UBE2O: variants seen among roughly 807,000 people sequenced by gnomAD.
UBE2O encodes (E3-independent) E2 ubiquitin-conjugating enzyme.
In UBE2O, 15 loss-of-function variants were observed where a neutral mutation model predicts 125.8. The observed-to-expected ratio is 0.12, with a 90% CI of 0.08 to 0.18. The LOEUF is 0.18. UBE2O is among the 10% of genes least tolerant of loss of function. UBE2O has a pLI of 1.00. For missense variants in UBE2O, 1,280 were observed against 1,723.6 expected, an observed-to-expected ratio of 0.74 and a Z score of 4.56; for synonymous variants, 708 against 703.2, an observed-to-expected ratio of 1.01 and a Z score of -0.11.
chr17:76,397,559 T>C (rs893178385), intron 13 of UBE2O, among the ~76,000 whole-genome samples: 3 of 152,214 alleles, frequency 2.0e-5, no homozygotes, highest in Non-Finnish European at 4.4e-5. Context: ...TCCTGGAGGT[T>C]TGTGAAAGTC....
Position 76,398,740 on chromosome 17 carries a change from G to T in UBE2O, c.1783+97C>A. ...CAGTCCCCTTCTGGACCTCATTTTA[G>T]CTCTGACCCCAGATCCACTGCCCAT... On this transcript the variant is annotated intron_variant, in intron 10 of 17. Transcript: ENST00000319380. The surrounding 1 kb of genome is among the most constrained non-coding windows in gnomAD (Gnocchi z 5.4). 3 of 1,527,412 alleles carry T rather than the reference G, an allele frequency of 2.0e-6. No homozygotes were observed. Among genetic ancestry groups the T allele is most frequent in the Non-Finnish European group, 2.7e-6 (3 of 1,123,232 alleles). The allele number at this position is 1,527,412 out of a possible 1,614,324, so 94.6% of individuals were successfully genotyped here.
intron 1 of UBE2O, among the ~76,000 whole-genome samples, chr17:76,406,285 C>T (rs2072416845): frequency 6.6e-6 from 1 of 152,218 alleles, no homozygotes; most frequent in Admixed American, 6.5e-5. Flanking sequence ...GTGATGCTCC[C>T]ACCAGGCCAG....
chr17:76,399,126 T>C lies in UBE2O; in HGVS notation c.1629-135A>G. On this transcript the variant is annotated intron_variant, in intron 9 of 17. Transcript: ENST00000319380. The surrounding 1 kb of genome is among the most constrained non-coding windows in gnomAD (Gnocchi z 6.9). ...CTGAATCCCAGGTTGGCAGGATGAG[T>C]CTCTGGTGCACAGGAAGCTCACCCA... 8.3e-7 allele frequency: 1 copy of C among 1,200,252 alleles called. No homozygotes were observed. The highest frequency in any genetic ancestry group is 1.1e-6 in the Non-Finnish European group (1 of 873,554). The allele number at this position is 1,200,252 out of a possible 1,614,324, so 74.4% of individuals were successfully genotyped here.
chr17:76,444,087 G>C (rs914063525), intron 1 of UBE2O, among the ~76,000 whole-genome samples: 2 of 152,070 alleles, frequency 1.3e-5, no homozygotes, highest in East Asian at 3.9e-4. Context: ...CGGACGTGGT[G>C]GCGGGAGCCT....
chr17:76,408,510 C>T (rs532661123), intron 1 of UBE2O, among the ~76,000 whole-genome samples: 1 of 152,334 alleles, frequency 6.6e-6, no homozygotes, highest in Non-Finnish European at 1.5e-5. Context: ...AAATAAAAAG[C>T]TCATCTCTCC....
At chr17:76,412,451 A>G (rs2143763186) in intron 1 of UBE2O, among the ~76,000 whole-genome samples, 1 of 152,232 alleles carries the variant, frequency 6.6e-6, no homozygotes, top group Non-Finnish European at 1.5e-5. Context: ...GTGTATAGAA[A>G]AAGAGTGAAC....
At chr17:76,406,681 G>A (rs2072424416) in intron 1 of UBE2O, among the ~76,000 whole-genome samples, 1 of 146,242 alleles carries the variant, frequency 6.8e-6, no homozygotes, top group South Asian at 2.2e-4. Flanking sequence ...GGGAACTCAT[G>A]AGCCCAAGTT....
At chr17:76,408,137 C>T (rs935062316) in intron 1 of UBE2O, among the ~76,000 whole-genome samples, 3 of 152,208 alleles carry the variant, frequency 2.0e-5, no homozygotes, top group African/African-American at 4.8e-5. Context: ...CTGTGAGCCA[C>T]TCCACTGAAC....
chr17:76,420,689 T>C lies in UBE2O; in HGVS notation c.418-15117A>G, dbSNP rs548528703. Among the ~76,000 whole-genome samples, 7 of 152,280 alleles carry C rather than the reference T, an allele frequency of 4.6e-5. No homozygotes were observed. The South Asian group carries it at 8.3e-4, about 18-fold the overall frequency. ...TTTTCACAGAGAAGCAGGAGCTTGA[T>C]AAAGGCATGGGAAGCCAAGGAGGAA... On this transcript the variant is annotated intron_variant, in intron 1 of 17. Transcript: ENST00000319380.
Position 76,399,894 on chromosome 17 carries a change from C to A in UBE2O, c.1183G>T (p.Val395Leu), listed in dbSNP as rs1436646198. The A allele has an allele frequency of 2.5e-6, 4 of 1,609,044 alleles. No homozygotes were observed. The highest frequency in any genetic ancestry group is 1.1e-5 in the South Asian group (1 of 90,116). ...KVKRLLKKQV[V>L]RIMSCSPDTQ... ...TCTGGGGAGCATGACATGATCCGCACAACCTGCTTCTTCAACAGGCGCTTC... is the reference window on the plus strand; with the variant it reads ...TCTGGGGAGCATGACATGATCCGCAAAACCTGCTTCTTCAACAGGCGCTTC... The change falls in exon 9 of 18, where the codon GTG becomes TTG. Residue 395 changes from valine (V) to leucine (L), a missense_variant. Val to Leu is a conservative substitution (Grantham distance 32). Transcript: ENST00000319380. The surrounding 1 kb of genome is among the most constrained non-coding windows in gnomAD (Gnocchi z 6.9).
In UBE2O at chr17:76,405,184, TGAG is replaced by T. The variant is rs773503093; in HGVS notation, c.588+19_588+21del. 33 of 1,564,822 alleles carry T rather than the reference TGAG, an allele frequency of 2.1e-5. No homozygotes were observed. Among genetic ancestry groups the T allele is most frequent in the South Asian group, 5.7e-5 (5 of 87,388 alleles). ...GAACCAGAGGGCCCAGAAAGGATGA[TGAG>T]AAGACAGGGCCGGCTCACCCAGATG... On this transcript the variant is annotated intron_variant, in intron 3 of 17. Coordinates refer to ENST00000319380, the MANE Select transcript of UBE2O (RefSeq NM_022066.4). The surrounding 1 kb of genome is among the most constrained non-coding windows in gnomAD (Gnocchi z 6.1).
At chr17:76,435,716 C>G (rs1282514076) in intron 1 of UBE2O, among the ~76,000 whole-genome samples, 1 of 152,186 alleles carries the variant, frequency 6.6e-6, no homozygotes, top group African/African-American at 2.4e-5. Flanking sequence ...CCTCTCTAAG[C>G]CCTGTGTCTG....
At chr17:76,411,576 T>C (rs1049072097) in intron 1 of UBE2O, among the ~76,000 whole-genome samples, 1 of 152,220 alleles carries the variant, frequency 6.6e-6, no homozygotes, top group East Asian at 1.9e-4. Flanking sequence ...TCTCCAGGTG[T>C]CAGACACCAG....
intron 1 of UBE2O, among the ~76,000 whole-genome samples, chr17:76,432,108 A>G (rs555737800): frequency 2.6e-4 from 40 of 152,334 alleles, no homozygotes; most frequent in Non-Finnish European, 5.1e-4. Flanking sequence ...TGTGCCCCTC[A>G]GCAGACAGCC....
rs1421483745 is a variant in UBE2O at position 76,391,531 on chromosome 17, A to G, written c.3291T>C (p.Ser1097=). 5 of 1,614,098 alleles carry G rather than the reference A, an allele frequency of 3.1e-6. No homozygotes were observed. The highest frequency in any genetic ancestry group is 2.2e-5 in the East Asian group (1 of 44,888). Residue 1097 remains serine (S), a synonymous_variant, in exon 18 of 18, where the codon AGT becomes AGC. Coordinates refer to ENST00000319380, the MANE Select transcript of UBE2O (RefSeq NM_022066.4). This position sits in a 1 kb window ranked among gnomAD's most constrained non-coding sequence, Gnocchi z 8.4. ...DRGLQEGYEN[S]RCYNEMALIR... is the part of the protein sequence containing the mutation. ...TCAGCGCCATCTCATTGTAACAGCG[A>G]CTGTTTTCATAGCCTTCCTGCAGGC...
chr17:76,415,676 G>A (rs546163989), intron 1 of UBE2O, among the ~76,000 whole-genome samples: 18 of 152,138 alleles, frequency 1.2e-4, no homozygotes, highest in African/African-American at 3.9e-4. Context: ...GTGGTGGTGC[G>A]CACCTGTAAT....
Position 76,402,738 on chromosome 17 carries a change from A to G in UBE2O, c.589-39T>C. ...AGGCAGGGGCAGTGAGACACAGCAG[A>G]CAACGTTCATGTCCAGGGCACAGAT... On this transcript the variant is annotated intron_variant, in intron 3 of 17. Coordinates refer to ENST00000319380, the MANE Select transcript of UBE2O (RefSeq NM_022066.4). This position sits in a 1 kb window ranked among gnomAD's most constrained non-coding sequence, Gnocchi z 5.4. 6.5e-7 allele frequency: 1 copy of G among 1,534,764 alleles called. No individual in the cohort carries two copies. The highest frequency in any genetic ancestry group is 9.0e-7 in the Non-Finnish European group (1 of 1,107,636).
chr17:76,396,778 T>C lies in UBE2O; in HGVS notation c.2159A>G (p.Asp720Gly). 6.2e-7 allele frequency: 1 copy of C among 1,611,526 alleles called. No individual in the cohort carries two copies. Among genetic ancestry groups the C allele is most frequent in the Non-Finnish European group, 8.5e-7 (1 of 1,178,584 alleles). ...CCCGCTGGTGCTGCCTTCTACCGAATCGTAGTCTGACTCCTCAATCTCAGA... is the reference window on the plus strand; with the variant it reads ...CCCGCTGGTGCTGCCTTCTACCGAACCGTAGTCTGACTCCTCAATCTCAGA... ...IESEIEESDYDSVEGSTSGAS... is the reference protein window; with the variant it reads ...IESEIEESDYGSVEGSTSGAS... The change falls in exon 14 of 18, where the codon GAT (aspartate) becomes GGT (glycine). Residue 720 changes from aspartate to glycine, a missense_variant. By Grantham distance (94) the Asp-to-Gly change is moderately conservative. Around this residue, in one of 10 missense-constraint regions of UBE2O, gnomAD observed 210 missense variants for 268.9 expected, o/e 0.78. Coordinates refer to ENST00000319380, the MANE Select transcript of UBE2O (RefSeq NM_022066.4). This position sits in a 1 kb window ranked among gnomAD's most constrained non-coding sequence, Gnocchi z 6.7.
intron 1 of UBE2O, among the ~76,000 whole-genome samples, chr17:76,422,940 T>C (rs1203177579): frequency 1.3e-5 from 2 of 152,132 alleles, no homozygotes. Flanking sequence ...CCATGGGAAT[T>C]GGGAACAAGT....
Sources: allele counts gnomAD v4.1 joint callset (sites outside exome capture counted in the v4.1 genomes callset), GRCh38; gene constraint gnomAD v4.1.1; regional missense constraint gnomAD v4.1.1; non-coding constraint Gnocchi (gnomAD v3.1); transcripts MANE v1.5; gene names NCBI Gene and HGNC (gene_info 2026-07-23, HGNC 2026-07-21).